The following SPINK9 variants were observed in gnomAD, a reference collection of about 807,000 sequenced individuals.
SPINK9 encodes the protein serine peptidase inhibitor Kazal type 9, also known as serine protease inhibitor Kazal-type 9.
A neutral mutation model predicts 10.8 loss-of-function variants in SPINK9; 3 were observed. The observed-to-expected ratio is 0.28, with a 90% CI of 0.13 to 0.72. The LOEUF is 0.72. Ranked by LOEUF, SPINK9 falls within the 30% of genes least tolerant of loss-of-function variation. SPINK9 has a pLI of 0.74. For synonymous variants in SPINK9, 30 were observed against 31.2 expected, an observed-to-expected ratio of 0.96 and a Z score of 0.12; for missense variants, 101 against 103.2, an observed-to-expected ratio of 0.98 and a Z score of 0.09.
rs185629449 is a variant in SPINK9, at chr5:148,329,595, G to A, written c.118+5727G>A. ...CTTCTCTAGTTCTTTTAATTGTGAT[G>A]TTAGGGTTTCAATTTTAGATCTTTC... On this transcript the variant is annotated intron_variant, in intron 2 of 4. Transcript: ENST00000511717. Among the ~76,000 whole-genome samples, 543 of 152,162 alleles carry A rather than the reference G, an allele frequency of 3.6e-3. 3 individuals carry two copies. Among genetic ancestry groups the A allele is most frequent in the African/African-American group, 0.012 (508 of 41,518 alleles).
Position 148,338,492 on chromosome 5 carries a change from T to C in SPINK9, c.102T>C (p.His34=), listed in dbSNP as rs768329453. The C allele has an allele frequency of 6.9e-6, 11 of 1,603,088 alleles. No individual in the cohort carries two copies. Among genetic ancestry groups the C allele is most frequent in the African/African-American group, 1.3e-5 (1 of 74,240 alleles). The change falls in exon 3 of 4, where the codon CAT becomes CAC. Residue 34 remains histidine (H), a synonymous_variant. Transcript: ENST00000377906. The stretch of plus-strand genomic sequence containing the variant: ...TGTTTTTTCAGGTTGACTGCAGTCA[T>C]TATAAAAAGTTACCACCAGGACAAC... ...KQTKQMVDCS[H]YKKLPPGQQR...
upstream of SPINK9, among the ~76,000 whole-genome samples, chr5:148,334,507 T>C (rs545285619): frequency 1.3e-5 from 2 of 152,152 alleles, no homozygotes; most frequent in East Asian, 3.9e-4. Flanking sequence ...GGTCAGGAGT[T>C]CAAGACCAGC....
Position 148,338,548 on chromosome 5 carries a change from T to C in SPINK9, c.158T>C (p.Ile53Thr). 6.2e-7 allele frequency: 1 copy of C among 1,607,942 alleles called. No individual in the cohort carries two copies. Among genetic ancestry groups the C allele is most frequent in the Non-Finnish European group, 8.5e-7 (1 of 1,175,688 alleles). ...QRFCHHMYDP[I>T]CGSDGKTYKN... is the part of the protein sequence containing the mutation. ...TTTTGTCATCATATGTATGATCCAA[T>C]TTGTGGATCTGATGGCAAAACTTAT... is the stretch of plus-strand genomic sequence containing the variant. Residue 53 changes from isoleucine (I) to threonine (T), a missense_variant, in exon 3 of 4, where the codon ATT (isoleucine) becomes ACT (threonine). By Grantham distance (89) the Ile-to-Thr change is moderately conservative (BLOSUM62 -1). Transcript: ENST00000377906.
intron 1 of SPINK9, among the ~76,000 whole-genome samples, chr5:148,323,297 T>C (rs578167008): frequency 3.3e-5 from 5 of 152,216 alleles, no homozygotes; most frequent in African/African-American, 1.2e-4. Context: ...GATATGCCTA[T>C]CAAAAACTGG....
chr5:148,330,292 T>C (rs994265181), intron 2 of SPINK9, among the ~76,000 whole-genome samples: 15 of 152,334 alleles, frequency 9.8e-5, no homozygotes, highest in Admixed American at 8.5e-4. Context: ...TCTTTGTTGA[T>C]TTAAAGTCTG....
intron 3 of SPINK9, among the ~76,000 whole-genome samples, 176 bp downstream of exon 3, chr5:148,338,781 A>G (rs960042541): frequency 9.9e-5 from 15 of 152,148 alleles, no homozygotes; most frequent in African/African-American, 3.6e-4. Context: ...ATCCCCACAT[A>G]TTCTGGAAGT....
chr5:148,325,969 T>C (rs532468949), intron 2 of SPINK9, among the ~76,000 whole-genome samples: 11 of 152,278 alleles, frequency 7.2e-5, no homozygotes, highest in African/African-American at 2.4e-4. Flanking sequence ...TTCGAAAAGA[T>C]TATTCTCCGA....
chr5:148,321,321 T>C (rs1302376582), exon 1 of SPINK9: 4 of 152,088 alleles, frequency 2.6e-5, no homozygotes, highest in Non-Finnish European at 5.9e-5. Flanking sequence ...AAGGAGCTGA[T>C]GGAGCTGAAA....
chr5:148,339,331 T>A (rs1561769660), intron 3 of SPINK9, among the ~76,000 whole-genome samples: 1 of 152,056 alleles, frequency 6.6e-6, no homozygotes, highest in East Asian at 1.9e-4. Context: ...CAAACGAGCA[T>A]CTAACATATG....
intron 2 of SPINK9, among the ~76,000 whole-genome samples, chr5:148,337,737 T>C (rs142735996): frequency 6.6e-6 from 1 of 152,320 alleles, no homozygotes; most frequent in East Asian, 1.9e-4. Context: ...ATCTTTATTT[T>C]ACAGATAAAA....
intron 2 of SPINK9, among the ~76,000 whole-genome samples, chr5:148,324,246 T>C (rs1757030895): frequency 6.6e-6 from 1 of 152,116 alleles, no homozygotes. Flanking sequence ...ACTTGGAACA[T>C]ACAAAGATTA....
intron 2 of SPINK9, among the ~76,000 whole-genome samples, chr5:148,327,459 T>A (rs7700337): frequency 6.6e-6 from 1 of 151,790 alleles, no homozygotes; most frequent in African/African-American, 2.4e-5. Flanking sequence ...GTAGGTTGCC[T>A]GTTCACTCTG....
intron 1 of SPINK9, among the ~76,000 whole-genome samples, chr5:148,323,463 T>C (rs1333760045): frequency 6.6e-6 from 1 of 152,162 alleles, no homozygotes; most frequent in African/African-American, 2.4e-5. Flanking sequence ...CCCACTGAAG[T>C]GTGATGCTGA....
intron 2 of SPINK9, among the ~76,000 whole-genome samples, chr5:148,327,452 G>T (rs7713465): frequency 1.3e-5 from 2 of 151,980 alleles, no homozygotes; most frequent in African/African-American, 4.8e-5. Flanking sequence ...TCATTCTGTA[G>T]GTTGCCTGTT....
chr5:148,324,417 T>C (rs1757032980), intron 2 of SPINK9, among the ~76,000 whole-genome samples: 1 of 152,104 alleles, frequency 6.6e-6, no homozygotes, highest in Non-Finnish European at 1.5e-5. Context: ...GAAAAATCAT[T>C]CAGACACTGC....
intron 2 of SPINK9, among the ~76,000 whole-genome samples, chr5:148,327,189 T>C (rs1348648026): frequency 6.6e-6 from 1 of 152,228 alleles, no homozygotes; most frequent in African/African-American, 2.4e-5. Context: ...TCCTGACTTT[T>C]CAATGATCGC....
upstream of SPINK9, among the ~76,000 whole-genome samples, chr5:148,334,851 T>C (rs1416329917): frequency 6.6e-6 from 1 of 152,060 alleles, no homozygotes; most frequent in Non-Finnish European, 1.5e-5. Flanking sequence ...CAAATGAAGA[T>C]TAAAAAAAGC....
chr5:148,324,663 C>T (rs1463533758), intron 2 of SPINK9, among the ~76,000 whole-genome samples: 1 of 151,750 alleles, frequency 6.6e-6, no homozygotes, highest in Non-Finnish European at 1.5e-5. Context: ...CAATGTTATG[C>T]CTTGAAGAAG....
chr5:148,337,611 GAT>G (rs1757233328), intron 2 of SPINK9, among the ~76,000 whole-genome samples: 1 of 152,042 alleles, frequency 6.6e-6, no homozygotes, highest in African/African-American at 2.4e-5. Flanking sequence ...GAAATCAAAA[GAT>G]AAAAAATTGT....
Sources: gnomAD v4.1 joint callset for allele counts (sites outside exome capture counted in the v4.1 genomes callset) on GRCh38, gnomAD v4.1.1 for gene constraint, MANE v1.5 for transcripts, NCBI Gene and HGNC (gene_info 2026-07-23, HGNC 2026-07-21) for gene names.